The following MYO1B variants were observed in gnomAD, a reference collection of about 807,000 sequenced individuals.
MYO1B encodes myosin IB, also known as unconventional myosin-Ib.
MYO1B carries 72 observed loss-of-function variants against 159.7 expected under a neutral mutation model. The ratio of observed to expected loss-of-function variants is 0.45; its 90% CI spans 0.37 to 0.55. The LOEUF (loss-of-function observed/expected upper bound fraction) is 0.55, where lower values mean the gene tolerates loss of function less well. Ranked by LOEUF, MYO1B falls within the 20% of genes least tolerant of loss-of-function variation. The probability of loss-of-function intolerance (pLI) is 0.00; values close to 1 mark genes in which losing one functional copy is unlikely to be tolerated. For synonymous variants in MYO1B, 468 were observed against 473.8 expected (o/e 0.99, Z 0.16); for missense variants, 1,062 against 1,364.8 (o/e 0.78, Z 3.50).
At chr2:191,399,183 G>A (rs544180280) in intron 21 of MYO1B, among the ~76,000 whole-genome samples, 12 of 152,314 alleles carry the variant, frequency 7.9e-5, no homozygotes, top group Admixed American at 2.6e-4. Flanking sequence ...GGAGAATCAG[G>A]CAGGGAGGTT....
chr2:191,387,472 T>C (rs1695463779), intron 17 of MYO1B, 22 bp downstream of exon 17: 1 of 1,603,070 alleles, frequency 6.2e-7, no homozygotes, highest in African/African-American at 1.3e-5. Context: ...ACATGAAACT[T>C]TCACAGTTCA....
intron 2 of MYO1B, among the ~76,000 whole-genome samples, chr2:191,280,307 CACA>C (rs1334646615): frequency 6.6e-6 from 1 of 152,218 alleles, no homozygotes; most frequent in African/African-American, 2.4e-5. Context: ...AAGTAGCCGT[CACA>C]CCCACATTTA....
At chr2:191,319,663 C>T (rs1256257305) in intron 3 of MYO1B, among the ~76,000 whole-genome samples, 3 of 152,180 alleles carry the variant, frequency 2.0e-5, no homozygotes, top group Non-Finnish European at 4.4e-5. Flanking sequence ...TCAGTCAAGA[C>T]TGCCCCCAAA....
At chr2:191,334,818 T>C (rs1298020364) in intron 4 of MYO1B, among the ~76,000 whole-genome samples, 1 of 152,216 alleles carries the variant, frequency 6.6e-6, no homozygotes, top group Non-Finnish European at 1.5e-5. Context: ...CCAAATCTCA[T>C]GTTCATCATT....
chr2:191,341,458 C>T lies in MYO1B; in HGVS notation c.347-3C>T. ...GATTAATATGGCTTATTTTCATCCA[C>T]AGAGGCCAGTAAGCTTGTCATGTCC... On this transcript the variant is annotated splice_region_variant and splice_polypyrimidine_tract_variant and intron_variant, in intron 4 of 30. Transcript: ENST00000392318. 1 of 1,611,808 alleles carries T rather than the reference C, an allele frequency of 6.2e-7. No homozygotes were observed. Among genetic ancestry groups the T allele is most frequent in the South Asian group, 1.1e-5 (1 of 90,446 alleles).
At chr2:191,313,663 C>T (rs1170661060) in intron 3 of MYO1B, among the ~76,000 whole-genome samples, 3 of 152,180 alleles carry the variant, frequency 2.0e-5, no homozygotes, top group South Asian at 2.1e-4. Flanking sequence ...GGATTACAGG[C>T]GTGAGCCACT....
At chr2:191,268,684 A>G (rs952818281) in intron 1 of MYO1B, among the ~76,000 whole-genome samples, 9 of 152,174 alleles carry the variant, frequency 5.9e-5, no homozygotes, top group Admixed American at 1.3e-4. Context: ...TCTTCTCTTC[A>G]GATAGGCTTC....
intron 13 of MYO1B, among the ~76,000 whole-genome samples, chr2:191,379,536 T>C (rs949554212): frequency 2.0e-5 from 3 of 152,218 alleles, no homozygotes; most frequent in Non-Finnish European, 2.9e-5. Flanking sequence ...AAGTGTACTT[T>C]GAGCTGTTCA....
chr2:191,386,066 C>A lies in MYO1B; in HGVS notation c.1536C>A (p.Ile512=). 6.2e-7 allele frequency: 1 copy of A among 1,614,062 alleles called. No individual in the cohort carries two copies. The highest frequency in any genetic ancestry group is 8.5e-7 in the Non-Finnish European group (1 of 1,179,984). ...CTCTGCCTCACAGCTGCTTCAGGAT[C>A]CAGCATTATGCTGGAAAGGTATGGG... The part of the protein sequence containing the change: ...DTSLPHSCFR[I]QHYAGKVLYQ... The change falls in exon 16 of 31, where the codon ATC becomes ATA. Residue 512 remains isoleucine, a synonymous_variant. Coordinates refer to ENST00000392318, the MANE Select transcript of MYO1B (RefSeq NM_001130158.3).
At chr2:191,398,880 C>T (rs890855041) in intron 21 of MYO1B, among the ~76,000 whole-genome samples, 1 of 152,232 alleles carries the variant, frequency 6.6e-6, no homozygotes, top group African/African-American at 2.4e-5. Context: ...CGGGCAGAGG[C>T]TGTAATCTCG....
At position 191,263,902 on chromosome 2, in the gene MYO1B, C is replaced by T. The variant is rs145494143; in HGVS notation, c.-9-12985C>T. Among the ~76,000 whole-genome samples the T allele has an allele frequency of 5.0e-3, 761 of 152,192 alleles. 7 individuals are homozygous for T. Among genetic ancestry groups the T allele is most frequent in the Non-Finnish European group, 8.7e-3 (594 of 67,962 alleles). On this transcript the variant is annotated intron_variant, in intron 1 of 30. Coordinates refer to ENST00000392318, the MANE Select transcript of MYO1B (RefSeq NM_001130158.3). ...ATGTGAATTTTATAAACAAAAATTTCAGTAAACATTTTATTTGTGACTTAA... is the reference window on the plus strand; with the variant it reads ...ATGTGAATTTTATAAACAAAAATTTTAGTAAACATTTTATTTGTGACTTAA...
chr2:191,296,457 A>G (rs1688991236), intron 3 of MYO1B, among the ~76,000 whole-genome samples: 2 of 152,162 alleles, frequency 1.3e-5, no homozygotes, highest in South Asian at 4.1e-4. Flanking sequence ...GATGTAAAAT[A>G]TTTTCTGTTC....
In MYO1B at chr2:191,245,434, C is replaced by A. The variant is rs1685719975; in HGVS notation, c.-202C>A. 6.6e-6 allele frequency: 1 copy of A among 152,032 alleles called. No homozygotes were observed. Among genetic ancestry groups the A allele is most frequent in the Admixed American group, 6.6e-5 (1 of 15,260 alleles). 9.4% of individuals were successfully genotyped at this position (152,032 alleles called of 1,614,324 possible). ...CTCCGCAGCTGGGTGCGCACGGGAG[C>A]CTCAACCGCGGCGCGTGGAGGCAGT... On this transcript the variant is annotated 5_prime_UTR_variant, in exon 1 of 31. Transcript: ENST00000392318.
At chr2:191,365,512 C>T (rs959985490) in intron 11 of MYO1B, among the ~76,000 whole-genome samples, 1 of 152,172 alleles carries the variant, frequency 6.6e-6, no homozygotes, top group Non-Finnish European at 1.5e-5. Context: ...ATAGCCATTG[C>T]CTGTCCTTCC....
At chr2:191,328,499 C>G (rs1691249404) in intron 3 of MYO1B, among the ~76,000 whole-genome samples, 1 of 152,200 alleles carries the variant, frequency 6.6e-6, no homozygotes, top group South Asian at 2.1e-4. Flanking sequence ...TGGACCTCAG[C>G]AAGTTATGCC....
At chr2:191,271,141 A>C (rs1371413402) in intron 1 of MYO1B, among the ~76,000 whole-genome samples, 1 of 152,232 alleles carries the variant, frequency 6.6e-6, no homozygotes, top group Admixed American at 6.5e-5. Flanking sequence ...GCTGTCATGC[A>C]TACATGACCA....
At chr2:191,421,638 G>A (rs1395753753) in intron 30 of MYO1B, among the ~76,000 whole-genome samples, 1 of 152,034 alleles carries the variant, frequency 6.6e-6, no homozygotes, top group Non-Finnish European at 1.5e-5. Context: ...ACCGTCCCTG[G>A]CTAATTTGTG....
chr2:191,402,365 G>A lies in MYO1B; in HGVS notation c.2470-267G>A, dbSNP rs1696668747. On this transcript the variant is annotated intron_variant, in intron 23 of 30. Coordinates refer to ENST00000392318, the MANE Select transcript of MYO1B (RefSeq NM_001130158.3). ...AGAGAGAACAGGAGAAAAAAGGAAA[G>A]GAATGGAAGTGAGGGGTGGGAAATG... The A allele has an allele frequency of 1.3e-5, 6 of 453,246 alleles. No homozygotes were observed. The East Asian group carries it at 2.1e-4, about 16-fold the overall frequency. 28.1% of individuals were successfully genotyped at this position (453,246 alleles called of 1,614,324 possible).
intron 6 of MYO1B, 130 bp from the exon 7 acceptor site, chr2:191,350,032 A>T: frequency 1.4e-6 from 1 of 690,750 alleles, no homozygotes. Context: ...TGGTTATATA[A>T]ACTGTGTCTT....
Sources: allele counts gnomAD v4.1 joint callset (sites outside exome capture counted in the v4.1 genomes callset), GRCh38; gene constraint gnomAD v4.1.1; transcripts MANE v1.5; gene names NCBI Gene and HGNC (gene_info 2026-07-23, HGNC 2026-07-21).